The following ROCK1 variants were observed in gnomAD, a reference collection of about 807,000 sequenced individuals.
The protein encoded by ROCK1 is Rho associated coiled-coil containing protein kinase 1.
Under a neutral mutation model 196.8 loss-of-function variants are expected in ROCK1, and 36 were observed. The ratio of observed to expected loss-of-function variants is 0.18; its 90% CI spans 0.14 to 0.24. The LOEUF (loss-of-function observed/expected upper bound fraction) is 0.24. Ranked by LOEUF, ROCK1 falls within the 10% of genes least tolerant of loss-of-function variation. ROCK1 has a pLI of 1.00. For missense variants in ROCK1, 920 were observed against 1,562.0 expected (o/e 0.59, Z 6.93); for synonymous variants, 443 against 515.9 (o/e 0.86, Z 1.91).
In ROCK1 at chr18:21,110,833, A is replaced by G. The variant is rs1342262722; in HGVS notation, c.78T>C (p.Asn26=). 6.2e-7 allele frequency: 1 copy of G among 1,612,770 alleles called. No homozygotes were observed. Among genetic ancestry groups the G allele is most frequent in the African/African-American group, 1.3e-5 (1 of 74,892 alleles). Residue 26 remains asparagine (N), a synonymous_variant, in exon 1 of 33, where the codon AAT becomes AAC. Coordinates refer to ENST00000399799, the MANE Select transcript of ROCK1 (RefSeq NM_005406.3). ...CGCTACTCACCAGCAAACAATCCGA[A>G]TTCACTTCCGATTTGGGATCCCGCA... is the stretch of plus-strand genomic sequence containing the variant. The part of the protein sequence containing the change: ...NLLRDPKSEV[N]SDCLLDGLDA...
At position 20,967,945 on chromosome 18, in the gene ROCK1, T is replaced by G; in HGVS notation, c.3004-5A>C. 1 of 1,497,744 alleles carries G rather than the reference T, an allele frequency of 6.7e-7. No homozygotes were observed. Among genetic ancestry groups the G allele is most frequent in the South Asian group, 1.3e-5 (1 of 78,170 alleles). 92.8% of individuals were successfully genotyped at this position (1,497,744 alleles called of 1,614,324 possible). A position where few individuals can be genotyped will look rare whatever the true frequency, so the allele number is the denominator to read the frequency against. On this transcript the variant is annotated splice_region_variant and splice_polypyrimidine_tract_variant and intron_variant, in intron 25 of 32. Transcript: ENST00000399799. ...TTCTGCCAATTTGTTAACAGCCTAT[T>G]AAAATATTATTAATAAAGATCAATA...
intron 2 of ROCK1, among the ~76,000 whole-genome samples, chr18:21,061,845 T>A (rs2036294199): frequency 1.3e-5 from 2 of 152,222 alleles, no homozygotes; most frequent in Non-Finnish European, 2.9e-5. Flanking sequence ...GTGTATGGTT[T>A]ATTTTACATG....
chr18:21,084,972 T>C (rs1476314937), intron 1 of ROCK1, among the ~76,000 whole-genome samples: 1 of 152,162 alleles, frequency 6.6e-6, no homozygotes, highest in Admixed American at 6.5e-5. Flanking sequence ...GTAAACATTA[T>C]GCTAAATGAA....
At chr18:20,962,735 G>C (rs1428886135) in intron 27 of ROCK1, among the ~76,000 whole-genome samples, 7 of 152,018 alleles carry the variant, frequency 4.6e-5, no homozygotes. Flanking sequence ...AAGAAATCTG[G>C]AATGCAAATA....
At chr18:21,095,686 G>C (rs532779155) in intron 1 of ROCK1, among the ~76,000 whole-genome samples, 48 of 151,564 alleles carry the variant, frequency 3.2e-4, no homozygotes, top group African/African-American at 1.2e-3. Flanking sequence ...AGATAGGAAG[G>C]GTAGTAGGGG....
At chr18:20,991,738 T>C (rs1215076350) in intron 17 of ROCK1, among the ~76,000 whole-genome samples, 3 of 151,798 alleles carry the variant, frequency 2.0e-5, no homozygotes, top group Admixed American at 6.6e-5. Context: ...GGGCTCAAGC[T>C]ATCCTCCAGC....
chr18:21,101,849 ATTATGATTAT>A (rs1179022679), intron 1 of ROCK1, among the ~76,000 whole-genome samples: 1 of 151,806 alleles, frequency 6.6e-6, no homozygotes, highest in East Asian at 1.9e-4. Flanking sequence ...GATAATGGCC[ATTATGATTAT>A]GTAAGAAAAT....
intron 9 of ROCK1, 77 bp from the exon 10 acceptor site, chr18:21,029,012 C>T: frequency 1.5e-6 from 2 of 1,359,540 alleles, no homozygotes; most frequent in South Asian, 1.3e-5. Context: ...ATACCAACTA[C>T]TGATGGTTTC....
intron 4 of ROCK1, among the ~76,000 whole-genome samples, 178 bp downstream of exon 4, chr18:21,048,914 T>C (rs987769528): frequency 1.3e-5 from 2 of 152,230 alleles, no homozygotes; most frequent in Non-Finnish European, 2.9e-5. Context: ...TATTTTGTTC[T>C]AGCCTTTCTT....
At chr18:21,062,071 T>G (rs1226361529) in intron 2 of ROCK1, among the ~76,000 whole-genome samples, 1 of 152,174 alleles carries the variant, frequency 6.6e-6, no homozygotes. Flanking sequence ...CATACATATA[T>G]TTCCTAGCTA....
At chr18:20,999,346 AC>A (rs2035700621) in intron 16 of ROCK1, among the ~76,000 whole-genome samples, 1 of 152,176 alleles carries the variant, frequency 6.6e-6, no homozygotes, top group Admixed American at 6.5e-5. Flanking sequence ...AAGAAAATGC[AC>A]ATTAAGAAAA....
chr18:21,090,816 G>A (rs1378337104), intron 1 of ROCK1, among the ~76,000 whole-genome samples: 1 of 152,102 alleles, frequency 6.6e-6, no homozygotes, highest in Admixed American at 6.6e-5. Flanking sequence ...ACAAGACAAT[G>A]AGATACCTGT....
chr18:20,968,645 G>A (rs1259889539), intron 25 of ROCK1, 127 bp downstream of exon 25: 16 of 634,526 alleles, frequency 2.5e-5, no homozygotes, highest in South Asian at 4.1e-5. Flanking sequence ...TATAGTTAGC[G>A]GGGAGAGAAT....
At position 20,959,132 on chromosome 18, in the gene ROCK1, A is replaced by ATATATATATTATATAATATATATAT. The variant is rs1568367512; in HGVS notation, c.3512+707_3512+708insATATATATATTATATAATATATATA. ...ATATATATTATATAATATATATATT[A>ATATATATATTATATAATATATATAT]TATATATTATATAAAATATATATAT... On this transcript the variant is annotated intron_variant, in intron 29 of 32. Transcript: ENST00000399799. Among the ~76,000 whole-genome samples the ATATATATATTATATAATATATATAT allele has an allele frequency of 3.4e-3, 175 of 52,136 alleles. 17 individuals are homozygous for ATATATATATTATATAATATATATAT. The highest frequency in any genetic ancestry group is 0.025 in the African/African-American group (172 of 6,884). 34.2% of individuals were successfully genotyped at this position (52,136 alleles called of 152,430 possible). A position where few individuals can be genotyped will look rare whatever the true frequency, so the allele number is the denominator to read the frequency against.
chr18:21,106,434 G>C (rs184141291), intron 1 of ROCK1, among the ~76,000 whole-genome samples: 53 of 152,254 alleles, frequency 3.5e-4, no homozygotes, highest in African/African-American at 1.2e-3. Context: ...CTCCAGGAGC[G>C]AGCCACTGCA....
chr18:20,997,352 T>C (rs565295229), intron 16 of ROCK1, among the ~76,000 whole-genome samples: 1 of 152,242 alleles, frequency 6.6e-6, no homozygotes, highest in East Asian at 1.9e-4. Context: ...GTTATACTTG[T>C]ATCAGACAAA....
rs1241029751 is a variant in ROCK1 at position 20,947,296 on chromosome 18, T to C, written c.*4088A>G. ...CACAGCTAACTGTTAATAACAGTTATGAAGGAATTGGTGGGGTGGGGTGGG... is the reference window on the plus strand; with the variant it reads ...CACAGCTAACTGTTAATAACAGTTACGAAGGAATTGGTGGGGTGGGGTGGG... On this transcript the variant is annotated 3_prime_UTR_variant, in exon 33 of 33. Coordinates refer to ENST00000399799, the MANE Select transcript of ROCK1 (RefSeq NM_005406.3). 1 of 151,888 alleles carries C rather than the reference T, an allele frequency of 6.6e-6. No individual in the cohort carries two copies. Among genetic ancestry groups the C allele is most frequent in the African/African-American group, 2.4e-5 (1 of 41,358 alleles). 9.4% of individuals were successfully genotyped at this position (151,888 alleles called of 1,614,324 possible). A position where few individuals can be genotyped will look rare whatever the true frequency, so the allele number is the denominator to read the frequency against.
intron 1 of ROCK1, among the ~76,000 whole-genome samples, chr18:21,101,102 T>C (rs1335719720): frequency 6.6e-6 from 1 of 152,250 alleles, no homozygotes; most frequent in Non-Finnish European, 1.5e-5. Context: ...GAAGTATTCA[T>C]CCTGTATTTC....
chr18:21,067,527 A>G (rs1456906382), intron 2 of ROCK1, among the ~76,000 whole-genome samples: 13 of 151,702 alleles, frequency 8.6e-5, no homozygotes, highest in Admixed American at 8.6e-4. Flanking sequence ...AGCTGGGATT[A>G]CAGGTGTCTG....
Sources: gnomAD v4.1 joint callset for allele counts (sites outside exome capture counted in the v4.1 genomes callset) on GRCh38, gnomAD v4.1.1 for gene constraint, MANE v1.5 for transcripts, NCBI Gene and HGNC (gene_info 2026-07-23, HGNC 2026-07-21) for gene names.